Variants in PHKB observed in about 807,000 individuals in gnomAD.
The protein encoded by PHKB is phosphorylase b kinase regulatory subunit beta.
In PHKB, 122 loss-of-function variants were observed where a neutral mutation model predicts 152.1. The observed-to-expected ratio is 0.80, with a 90% CI of 0.69 to 0.93. The LOEUF (loss-of-function observed/expected upper bound fraction) is 0.93. Among genes scored for constraint, PHKB ranks in the 40% least tolerant of loss-of-function variants. The pLI is 0.00. For missense variants in PHKB, 1,304 were observed against 1,328.4 expected (o/e 0.98, Z 0.29); for synonymous variants, 436 against 464.9 (o/e 0.94, Z 0.80).
At chr16:47,677,446 A>G (rs1408665553) in intron 26 of PHKB, among the ~76,000 whole-genome samples, 9 of 152,178 alleles carry the variant, frequency 5.9e-5, no homozygotes, top group African/African-American at 2.2e-4. Flanking sequence ...TTTTCTCACA[A>G]TCTGCAGGCT....
chr16:47,600,491 G>A (rs1972203398), intron 13 of PHKB, among the ~76,000 whole-genome samples: 1 of 152,174 alleles, frequency 6.6e-6, no homozygotes, highest in African/African-American at 2.4e-5. Context: ...TGTAAGACCA[G>A]TCTAAAGAAA....
intron 14 of PHKB, among the ~76,000 whole-genome samples, chr16:47,630,704 A>G (rs1972812808): frequency 6.6e-6 from 1 of 152,190 alleles, no homozygotes; most frequent in Non-Finnish European, 1.5e-5. Context: ...GTCAAACACT[A>G]TTCTGAGTGT....
At chr16:47,512,667 TA>T (rs1402086535) in intron 5 of PHKB, among the ~76,000 whole-genome samples, 1 of 152,202 alleles carries the variant, frequency 6.6e-6, no homozygotes, top group Non-Finnish European at 1.5e-5. Context: ...GTTTTAGATA[TA>T]TTTTTTTCAT....
intron 7 of PHKB, chr16:47,566,514 CGTG>C: frequency 6.2e-7 from 1 of 1,605,192 alleles, no homozygotes; most frequent in Non-Finnish European, 8.5e-7. Flanking sequence ...GCTGGGTTCA[CGTG>C]GTAAAAGCAC....
chr16:47,609,068 T>C (rs1016477981), intron 13 of PHKB, among the ~76,000 whole-genome samples: 2 of 152,220 alleles, frequency 1.3e-5, no homozygotes, highest in Admixed American at 6.5e-5. Context: ...TTAGGTTGAA[T>C]ACATTTTCTT....
chr16:47,482,125 A>G (rs770331064), intron 1 of PHKB, among the ~76,000 whole-genome samples: 6 of 152,238 alleles, frequency 3.9e-5, no homozygotes, highest in Non-Finnish European at 7.3e-5. Flanking sequence ...TCAGTTAACG[A>G]TTATACTATA....
chr16:47,636,779 C>G (rs1972928588), intron 14 of PHKB, among the ~76,000 whole-genome samples: 1 of 152,152 alleles, frequency 6.6e-6, no homozygotes, highest in South Asian at 2.1e-4. Context: ...GCACCATGGA[C>G]AGCATGTTGA....
rs143193514 is a variant in PHKB, at chr16:47,566,061, C to T, written c.711-14234C>T. Reference sequence around the variant, plus strand: ...GTAGTCATCATCCCTGTGGTACCCACTGCCAAATGCTTTTTTGCCATTGCC... The same window carrying T: ...GTAGTCATCATCCCTGTGGTACCCATTGCCAAATGCTTTTTTGCCATTGCC... On this transcript the variant is annotated intron_variant, in intron 7 of 30. Coordinates refer to ENST00000323584, the MANE Select transcript of PHKB (RefSeq NM_000293.3). The T allele has an allele frequency of 1.4e-4, 96 of 665,774 alleles. 2 individuals carry two copies. The Middle Eastern group carries it at 2.4e-3, about 17-fold the overall frequency. 41.2% of individuals were successfully genotyped at this position (665,774 alleles called of 1,614,324 possible).
chr16:47,681,387 T>A lies in PHKB; in HGVS notation c.2631-7654T>A, dbSNP rs548392048. ...CAGTGGGGTGTTAAAGTCTCCCATT[T>A]TTACTGTGTGGGAGTCTAAGTCTCT... On this transcript the variant is annotated intron_variant, in intron 26 of 30. Coordinates refer to ENST00000323584, the MANE Select transcript of PHKB (RefSeq NM_000293.3). Among the ~76,000 whole-genome samples, 24 of 148,430 alleles carry A rather than the reference T, an allele frequency of 1.6e-4. 1 individual carries two copies. Among genetic ancestry groups the A allele is most frequent in the Middle Eastern group, 3.2e-3 (1 of 316 alleles).
chr16:47,687,278 A>T (rs1973981242), intron 26 of PHKB, among the ~76,000 whole-genome samples: 2 of 152,366 alleles, frequency 1.3e-5, no homozygotes, highest in African/African-American at 4.8e-5. Context: ...AGGCCCACTG[A>T]GTAGTTTATT....
chr16:47,621,710 A>G (rs1443553943), intron 14 of PHKB, among the ~76,000 whole-genome samples: 1 of 152,218 alleles, frequency 6.6e-6, no homozygotes, highest in Admixed American at 6.5e-5. Flanking sequence ...TATCTTAGTA[A>G]AACAGAATAA....
chr16:47,607,302 G>A (rs537674925), intron 13 of PHKB, among the ~76,000 whole-genome samples: 1 of 152,000 alleles, frequency 6.6e-6, no homozygotes, highest in Non-Finnish European at 1.5e-5. Flanking sequence ...AAAACCTCAT[G>A]CCCAGTAGTA....
chr16:47,467,623 AT>A lies in PHKB; in HGVS notation c.76+6200del, dbSNP rs1969690625. 2.6e-5 allele frequency among the ~76,000 whole-genome samples: 4 copies of A among 152,162 alleles called. No individual in the cohort carries two copies. In the South Asian group the frequency reaches 8.3e-4, roughly 31 times the overall value. ...AGGACCTGCCCTGTAATCTTATAAGATTTAGGAAATAGAGGCCATATCATAT... is the reference window on the plus strand; with the variant it reads ...AGGACCTGCCCTGTAATCTTATAAGATTAGGAAATAGAGGCCATATCATAT... On this transcript the variant is annotated intron_variant, in intron 1 of 30. Transcript: ENST00000323584.
chr16:47,700,874 A>G lies in PHKB; in HGVS notation c.*1508A>G, dbSNP rs1974236773. 6.6e-6 allele frequency: 1 copy of G among 152,228 alleles called. No homozygotes were observed. Among genetic ancestry groups the G allele is most frequent in the Non-Finnish European group, 1.5e-5 (1 of 68,036 alleles). 9.4% of individuals were successfully genotyped at this position (152,228 alleles called of 1,614,324 possible). ...ATGAATGGATGTGTGAGCACATGGAAAAATCTGCTGTCAGTCACATTTCTC... is the reference window on the plus strand; with the variant it reads ...ATGAATGGATGTGTGAGCACATGGAGAAATCTGCTGTCAGTCACATTTCTC... On this transcript the variant is annotated 3_prime_UTR_variant, in exon 31 of 31. Transcript: ENST00000323584.
intron 6 of PHKB, among the ~76,000 whole-genome samples, chr16:47,540,782 T>A (rs932910009): frequency 1.3e-4 from 19 of 151,680 alleles, no homozygotes; most frequent in Non-Finnish European, 1.8e-4. Flanking sequence ...TCAAATGTTA[T>A]CTAATTATTC....
intron 14 of PHKB, among the ~76,000 whole-genome samples, chr16:47,637,671 G>A (rs1184942275): frequency 6.6e-6 from 1 of 152,198 alleles, no homozygotes; most frequent in Non-Finnish European, 1.5e-5. Context: ...AGGATAGATT[G>A]TAGAGGGCAG....
intron 1 of PHKB, among the ~76,000 whole-genome samples, chr16:47,479,167 A>G (rs1399590264): frequency 2.0e-5 from 3 of 152,192 alleles, no homozygotes. Context: ...CCGAGGCTGG[A>G]TGATTTCAAG....
chr16:47,616,017 C>T (rs765345650), intron 14 of PHKB, among the ~76,000 whole-genome samples: 17 of 152,036 alleles, frequency 1.1e-4, no homozygotes, highest in African/African-American at 1.4e-4. Flanking sequence ...TCAGATACTG[C>T]GGCCATTTTT....
intron 13 of PHKB, chr16:47,598,774 A>G (rs1972168157): frequency 1.9e-6 from 3 of 1,584,316 alleles, no homozygotes; most frequent in South Asian, 1.1e-5. Flanking sequence ...CACCTCTTCT[A>G]ATTGACTGCC....
Sources: gnomAD v4.1 joint callset for allele counts (sites outside exome capture counted in the v4.1 genomes callset) on GRCh38, gnomAD v4.1.1 for gene constraint, MANE v1.5 for transcripts, NCBI Gene and HGNC (gene_info 2026-07-23, HGNC 2026-07-21) for gene names.